The following UQCRC2 variants were observed in gnomAD, a reference collection of about 807,000 sequenced individuals.
The protein encoded by UQCRC2 is cytochrome b-c1 complex subunit 2, mitochondrial.
A neutral mutation model predicts 55.6 loss-of-function variants in UQCRC2; 49 were observed. The observed-to-expected ratio is 0.88, with a 90% CI of 0.70 to 1.12. The LOEUF (loss-of-function observed/expected upper bound fraction) is 1.12. Ranked by LOEUF, UQCRC2 falls within the 50% of genes most tolerant of loss-of-function variation. The pLI is 0.00. For missense variants in UQCRC2, 506 were observed against 547.8 expected, an observed-to-expected ratio of 0.92 and a Z score of 0.76; for synonymous variants, 193 against 192.0, an observed-to-expected ratio of 1.01 and a Z score of -0.04.
intron 7 of UQCRC2, among the ~76,000 whole-genome samples, chr16:21,967,973 A>G (rs1001358062): frequency 6.6e-6 from 1 of 151,042 alleles, no homozygotes; most frequent in Non-Finnish European, 1.5e-5. Flanking sequence ...AGTTTAGGCC[A>G]GTGTATGCTC....
intron 12 of UQCRC2, chr16:21,976,713 GTCAAACCATCATAAGTTAA>G (rs1898594351): frequency 6.6e-6 from 1 of 152,598 alleles, no homozygotes; most frequent in African/African-American, 2.4e-5. Context: ...ACAAACATAA[GTCAAACCATCATAAGTTAA>G]GTTAGGGACC....
At chr16:21,975,717 G>C (rs917146536) in intron 11 of UQCRC2, among the ~76,000 whole-genome samples, 8 of 152,166 alleles carry the variant, frequency 5.3e-5, no homozygotes, top group African/African-American at 1.4e-4. Flanking sequence ...TGAATAGTAA[G>C]AGATAGCAGT....
chr16:21,965,627 G>T, intron 7 of UQCRC2, 122 bp downstream of exon 7: 1 of 781,434 alleles, frequency 1.3e-6, no homozygotes, highest in Non-Finnish European at 1.8e-6. Context: ...CAGCGTGCTA[G>T]CTTTTTCATC....
At chr16:21,974,354 A>G (rs1898533159) in intron 11 of UQCRC2, among the ~76,000 whole-genome samples, 1 of 152,186 alleles carries the variant, frequency 6.6e-6, no homozygotes, top group African/African-American at 2.4e-5. Flanking sequence ...AAGAAAACTA[A>G]AGCTCAATTT....
intron 1 of UQCRC2, among the ~76,000 whole-genome samples, 178 bp from the exon 2 acceptor site, chr16:21,957,057 A>G (rs924995266): frequency 6.0e-5 from 9 of 150,324 alleles, no homozygotes; most frequent in Non-Finnish European, 1.2e-4. Context: ...CGACAGAGAG[A>G]CACTCTGTCT....
At chr16:21,960,591 C>T (rs1051968594) in intron 4 of UQCRC2, among the ~76,000 whole-genome samples, 3 of 152,144 alleles carry the variant, frequency 2.0e-5, no homozygotes, top group Admixed American at 1.3e-4. Flanking sequence ...GACCTGTATC[C>T]GTTTTTAACA....
intron 1 of UQCRC2, among the ~76,000 whole-genome samples, chr16:21,956,867 A>G (rs1290761168): frequency 6.6e-6 from 1 of 152,116 alleles, no homozygotes; most frequent in Non-Finnish European, 1.5e-5. Flanking sequence ...GTTCAAGACC[A>G]GCTTGGCCAA....
intron 13 of UQCRC2, 93 bp from the exon 14 acceptor site, chr16:21,982,995 C>A: frequency 9.6e-7 from 1 of 1,038,252 alleles, no homozygotes; most frequent in Non-Finnish European, 1.4e-6. Flanking sequence ...AATGTCCTAT[C>A]CATAAATTCT....
intron 4 of UQCRC2, chr16:21,961,363 C>T: frequency 2.3e-6 from 1 of 444,390 alleles, no homozygotes; most frequent in South Asian, 1.6e-5. Flanking sequence ...CATGATGAGA[C>T]CACTATACAG....
chr16:21,965,377 TTCCCTAAA>T, intron 6 of UQCRC2, 23 bp from the exon 7 acceptor site: 1 of 1,604,536 alleles, frequency 6.2e-7, no homozygotes, highest in Non-Finnish European at 8.5e-7. Context: ...GAAAGTGCAT[TTCCCTAAA>T]TGCTTCTTCA....
chr16:21,970,991 G>C (rs1898446056), intron 8 of UQCRC2, among the ~76,000 whole-genome samples: 1 of 152,024 alleles, frequency 6.6e-6, no homozygotes, highest in Non-Finnish European at 1.5e-5. Flanking sequence ...CAAGCTGTTA[G>C]CAGATATATT....
At chr16:21,958,259 A>C (rs1438748721) in intron 3 of UQCRC2, among the ~76,000 whole-genome samples, 1 of 152,222 alleles carries the variant, frequency 6.6e-6, no homozygotes, top group East Asian at 1.9e-4. Context: ...AAAGAAAATT[A>C]ACTCTTTTTT....
At chr16:21,962,237 A>T (rs989878371) in intron 4 of UQCRC2, 20 of 555,678 alleles carry the variant, frequency 3.6e-5, no homozygotes, top group Non-Finnish European at 5.1e-5. Context: ...TCTGTGTTGT[A>T]ACATGTGACC....
intron 8 of UQCRC2, among the ~76,000 whole-genome samples, 180 bp downstream of exon 8, chr16:21,968,865 A>G (rs1000135137): frequency 1.3e-5 from 2 of 152,242 alleles, no homozygotes; most frequent in Admixed American, 6.5e-5. Flanking sequence ...GCAGAATCCA[A>G]CATTTAAATT....
chr16:21,968,661 G>C lies in UQCRC2; in HGVS notation c.646G>C (p.Ala216Pro). The C allele has an allele frequency of 6.2e-7, 1 of 1,609,538 alleles. No individual in the cohort carries two copies. Among genetic ancestry groups the C allele is most frequent in the Non-Finnish European group, 8.5e-7 (1 of 1,177,620 alleles). The change falls in exon 8 of 14, where the codon GCA (alanine) becomes CCA (proline). Residue 216 changes from alanine (A) to proline (P), a missense_variant. Ala to Pro is a conservative substitution (Grantham distance 27). Transcript: ENST00000268379. ...CTTCGTTCAGAACCATTTCACAAGT[G>C]CAAGAATGGCTTTGATTGGACTTGG... is the stretch of plus-strand genomic sequence containing the variant. ...HYFVQNHFTS[A>P]RMALIGLGVS... is the part of the protein sequence containing the mutation.
chr16:21,962,421 T>C, intron 4 of UQCRC2, 39 bp from the exon 5 acceptor site: 1 of 1,611,456 alleles, frequency 6.2e-7, no homozygotes, highest in Non-Finnish European at 8.5e-7. Context: ...CTTACTATCC[T>C]GATTCAGATG....
chr16:21,977,548 T>C (rs574765354), intron 12 of UQCRC2, among the ~76,000 whole-genome samples: 4 of 152,212 alleles, frequency 2.6e-5, no homozygotes, highest in Non-Finnish European at 5.9e-5. Context: ...TGGCAATTTA[T>C]AAATCCCCAC....
At chr16:21,955,615 C>T (rs919403928) in intron 1 of UQCRC2, among the ~76,000 whole-genome samples, 1 of 152,200 alleles carries the variant, frequency 6.6e-6, no homozygotes, top group African/African-American at 2.4e-5. Flanking sequence ...TAATGGGACC[C>T]TTTCACCCTA....
intron 7 of UQCRC2, among the ~76,000 whole-genome samples, chr16:21,967,242 A>C (rs984469221): frequency 6.6e-6 from 1 of 152,204 alleles, no homozygotes; most frequent in Non-Finnish European, 1.5e-5. Flanking sequence ...TACAGACACC[A>C]TTCATTTTAG....
Sources: gnomAD v4.1 joint callset for allele counts (sites outside exome capture counted in the v4.1 genomes callset) on GRCh38, gnomAD v4.1.1 for gene constraint, MANE v1.5 for transcripts, NCBI Gene and HGNC (gene_info 2026-07-23, HGNC 2026-07-21) for gene names.